Variants in CTNNA3 observed in about 807,000 individuals in gnomAD.
The protein encoded by CTNNA3 is catenin alpha 3, also known as catenin alpha-3.
In CTNNA3, 76 loss-of-function variants were observed where a neutral mutation model predicts 95.7. That is an observed-to-expected ratio of 0.79 (90% CI 0.66 to 0.96). The LOEUF is 0.96. Among genes scored for constraint, CTNNA3 ranks in the 40% least tolerant of loss-of-function variants. The pLI is 0.00. For synonymous variants in CTNNA3, 431 were observed against 374.4 expected (o/e 1.15, Z -1.74); for missense variants, 1,191 against 1,089.8 (o/e 1.09, Z -1.31).
chr10:66,752,909 G>T (rs985386060), intron 9 of CTNNA3, among the ~76,000 whole-genome samples: 2 of 151,940 alleles, frequency 1.3e-5, no homozygotes, highest in Admixed American at 6.6e-5. Flanking sequence ...ATGCTAATCT[G>T]CCATGTGACT....
At position 65,970,978 on chromosome 10, in the gene CTNNA3, T is replaced by C. The variant is rs117934150; in HGVS notation, c.2266-4232A>G. ...GTTAGACATGTGAAATGTTAGTCAA[T>C]TAAACCTCTCTTTTTTTTTTTTTAA... On this transcript the variant is annotated intron_variant, in intron 16 of 17. Coordinates refer to ENST00000433211, the MANE Select transcript of CTNNA3 (RefSeq NM_013266.4). Among the ~76,000 whole-genome samples the C allele has an allele frequency of 1.3e-4, 20 of 150,932 alleles. No individual in the cohort carries two copies. In the East Asian group the frequency reaches 3.9e-3, roughly 29 times the overall value.
At chr10:67,363,143 C>A (rs990434456) in intron 5 of CTNNA3, among the ~76,000 whole-genome samples, 2 of 151,988 alleles carry the variant, frequency 1.3e-5, no homozygotes, top group African/African-American at 4.8e-5. Flanking sequence ...AAAAATAATT[C>A]CCTGCTTATT....
intron 7 of CTNNA3, among the ~76,000 whole-genome samples, chr10:67,122,404 T>C (rs1298659918): frequency 2.0e-5 from 3 of 152,062 alleles, no homozygotes; most frequent in Non-Finnish European, 4.4e-5. Flanking sequence ...ATGTTAGTAA[T>C]AGTAACCTAA....
At position 66,846,474 on chromosome 10, in the gene CTNNA3, C is replaced by G. The variant is rs574487188; in HGVS notation, c.1048-70950G>C. On this transcript the variant is annotated intron_variant, in intron 7 of 17. Coordinates refer to ENST00000433211, the MANE Select transcript of CTNNA3 (RefSeq NM_013266.4). ...AGATTGTAAATGTTCTCACCACACA[C>G]ACACACACACACACACACACACAAA... 4.6e-3 allele frequency among the ~76,000 whole-genome samples: 675 copies of G among 147,500 alleles called. 5 individuals are homozygous for G. The highest frequency in any genetic ancestry group is 0.017 in the African/African-American group (632 of 37,668).
chr10:67,095,125 A>T (rs1311332259), intron 7 of CTNNA3, among the ~76,000 whole-genome samples: 2 of 151,656 alleles, frequency 1.3e-5, no homozygotes, highest in East Asian at 3.9e-4. Context: ...AAATTTTCAA[A>T]ATCATTTAGG....
intron 12 of CTNNA3, among the ~76,000 whole-genome samples, chr10:66,307,328 T>G (rs2091948857): frequency 6.6e-6 from 1 of 152,220 alleles, no homozygotes; most frequent in Non-Finnish European, 1.5e-5. Flanking sequence ...CATTATAGTA[T>G]CTGGAAAATG....
At chr10:66,044,586 T>G (rs1436921903) in intron 15 of CTNNA3, among the ~76,000 whole-genome samples, 1 of 152,190 alleles carries the variant, frequency 6.6e-6, no homozygotes, top group Non-Finnish European at 1.5e-5. Context: ...TCTATGCTGT[T>G]TTTTTGGCCA....
chr10:67,235,739 G>T (rs1865421908), intron 5 of CTNNA3, among the ~76,000 whole-genome samples: 1 of 143,936 alleles, frequency 6.9e-6, no homozygotes, highest in Admixed American at 6.8e-5. Context: ...CCTACAAAAT[G>T]GGAGAAAATT....
chr10:67,503,511 C>G (rs1368361075), intron 5 of CTNNA3, among the ~76,000 whole-genome samples: 2 of 152,034 alleles, frequency 1.3e-5, no homozygotes, highest in East Asian at 3.9e-4. Flanking sequence ...ATAAATAAGC[C>G]TTAATGCCAG....
intron 5 of CTNNA3, among the ~76,000 whole-genome samples, chr10:67,283,928 A>G (rs1253520112): frequency 6.6e-6 from 1 of 152,222 alleles, no homozygotes; most frequent in Non-Finnish European, 1.5e-5. Context: ...TGGATAATGT[A>G]TCTTTGTCTT....
chr10:67,092,244 A>G (rs955618216), intron 7 of CTNNA3, among the ~76,000 whole-genome samples: 1 of 151,958 alleles, frequency 6.6e-6, no homozygotes, highest in Admixed American at 6.6e-5. Context: ...TCAGCCTTAC[A>G]AAAATGGGAA....
At chr10:66,731,901 C>T (rs1848974111) in intron 9 of CTNNA3, among the ~76,000 whole-genome samples, 1 of 152,138 alleles carries the variant, frequency 6.6e-6, no homozygotes, top group African/African-American at 2.4e-5. Flanking sequence ...GGCTAGAATT[C>T]ACAGGACATG....
chr10:66,926,568 T>C, intron 7 of CTNNA3: 1 of 1,613,936 alleles, frequency 6.2e-7, no homozygotes, highest in Non-Finnish European at 8.5e-7. Flanking sequence ...AGGACGACCT[T>C]TGAACAATAC....
At chr10:66,398,644 T>C (rs758160900) in intron 11 of CTNNA3, among the ~76,000 whole-genome samples, 5 of 151,790 alleles carry the variant, frequency 3.3e-5, no homozygotes, top group Non-Finnish European at 5.9e-5. Flanking sequence ...ATGGAAAAGA[T>C]AGATAAAACA....
intron 15 of CTNNA3, 143 bp downstream of exon 15, chr10:66,069,165 C>T (rs530876354): frequency 2.6e-5 from 19 of 728,824 alleles, no homozygotes; most frequent in African/African-American, 2.3e-4. Flanking sequence ...GAATTGTACA[C>T]CTACAACTTT....
chr10:67,251,240 A>G (rs908551847), intron 5 of CTNNA3, among the ~76,000 whole-genome samples: 1 of 152,248 alleles, frequency 6.6e-6, no homozygotes, highest in Admixed American at 6.5e-5. Flanking sequence ...ACAAAAGGCC[A>G]CATGGTATGA....
At chr10:67,268,901 C>T (rs1838832789) in intron 5 of CTNNA3, among the ~76,000 whole-genome samples, 1 of 151,794 alleles carries the variant, frequency 6.6e-6, no homozygotes, top group Admixed American at 6.6e-5. Context: ...ATAATAACTA[C>T]TAAAAATAAA....
chr10:67,628,781 C>A (rs565063437), intron 2 of CTNNA3, among the ~76,000 whole-genome samples: 20 of 151,876 alleles, frequency 1.3e-4, no homozygotes, highest in Middle Eastern at 3.4e-3. Flanking sequence ...AAAAAAAAGA[C>A]CAAATATCTT....
intron 5 of CTNNA3, among the ~76,000 whole-genome samples, chr10:67,240,386 C>G (rs1865672126): frequency 6.6e-6 from 1 of 152,072 alleles, no homozygotes; most frequent in South Asian, 2.1e-4. Flanking sequence ...TGTTCTTGGC[C>G]AACTTAAATT....
Sources: allele counts gnomAD v4.1 joint callset (sites outside exome capture counted in the v4.1 genomes callset), GRCh38; gene constraint gnomAD v4.1.1; transcripts MANE v1.5; gene names NCBI Gene and HGNC (gene_info 2026-07-23, HGNC 2026-07-21).